Variants in RBFOX1 observed in about 807,000 individuals in gnomAD.
RBFOX1 encodes RNA binding fox-1 homolog 1, also known as RNA binding protein fox-1 homolog 1.
Under a neutral mutation model 57.7 loss-of-function variants are expected in RBFOX1, and 8 were observed. That is an observed-to-expected ratio of 0.14 (90% CI 0.08 to 0.25). RBFOX1 has a LOEUF of 0.25. Ranked by LOEUF, RBFOX1 falls within the 10% of genes least tolerant of loss-of-function variation. The pLI is 1.00. For synonymous variants in RBFOX1, 326 were observed against 222.4 expected, an observed-to-expected ratio of 1.47 and a Z score of -4.15; for missense variants, 611 against 548.5, an observed-to-expected ratio of 1.11 and a Z score of -1.14.
chr16:6,708,197 C>A (rs926837837), intron 3 of RBFOX1, among the ~76,000 whole-genome samples: 4 of 151,988 alleles, frequency 2.6e-5, no homozygotes, highest in Admixed American at 6.6e-5. Flanking sequence ...TAAGCCCCCT[C>A]CTTTGTTGTT....
intron 3 of RBFOX1, among the ~76,000 whole-genome samples, chr16:5,637,891 G>C (rs984813302): frequency 6.6e-5 from 10 of 152,206 alleles, no homozygotes; most frequent in Admixed American, 5.9e-4. Context: ...CTCCCTGGAG[G>C]AAATGACCCT....
chr16:6,197,052 C>T (rs1205846144), intron 1 of RBFOX1, among the ~76,000 whole-genome samples: 2 of 152,072 alleles, frequency 1.3e-5, no homozygotes, highest in Non-Finnish European at 2.9e-5. Context: ...TATGTTAAAT[C>T]CATTAGTTAA....
chr16:7,625,149 G>C (rs2059895310), intron 10 of RBFOX1, among the ~76,000 whole-genome samples: 1 of 152,030 alleles, frequency 6.6e-6, no homozygotes, highest in South Asian at 2.1e-4. Flanking sequence ...TCCCACCTTA[G>C]TCCTTTAATG....
intron 4 of RBFOX1, among the ~76,000 whole-genome samples, chr16:7,183,059 G>A (rs1469357561): frequency 6.6e-6 from 1 of 152,148 alleles, no homozygotes; most frequent in African/African-American, 2.4e-5. Flanking sequence ...TTAAACACAT[G>A]TATAAGTAAG....
chr16:5,383,441 G>T (rs1047945557), intron 1 of RBFOX1, among the ~76,000 whole-genome samples: 1 of 152,222 alleles, frequency 6.6e-6, no homozygotes, highest in Admixed American at 6.5e-5. Context: ...ATTTGGGTCT[G>T]TTAGGCCTGG....
chr16:6,146,942 T>C (rs1353080247), intron 1 of RBFOX1, among the ~76,000 whole-genome samples: 2 of 152,132 alleles, frequency 1.3e-5, no homozygotes, highest in Non-Finnish European at 2.9e-5. Flanking sequence ...TTCATGTTTA[T>C]CTCGCCACAA....
chr16:7,292,606 G>T (rs746539991), intron 4 of RBFOX1, among the ~76,000 whole-genome samples: 5 of 150,750 alleles, frequency 3.3e-5, no homozygotes, highest in Non-Finnish European at 7.4e-5. Flanking sequence ...GGGTATAGGA[G>T]GTAAGAGACC....
chr16:7,551,643 G>C (rs979225800), intron 5 of RBFOX1, among the ~76,000 whole-genome samples: 3 of 152,196 alleles, frequency 2.0e-5, no homozygotes, highest in Non-Finnish European at 2.9e-5. Context: ...CTGTGACCTG[G>C]AGGAGCAGGT....
intron 3 of RBFOX1, among the ~76,000 whole-genome samples, chr16:5,657,418 G>T (rs1356754211): frequency 6.6e-6 from 1 of 152,172 alleles, no homozygotes; most frequent in Admixed American, 6.5e-5. Flanking sequence ...TGGGACTGGA[G>T]TGAATAAAGT....
chr16:6,582,197 A>G (rs1312961222), intron 2 of RBFOX1, among the ~76,000 whole-genome samples: 1 of 152,232 alleles, frequency 6.6e-6, no homozygotes, highest in Non-Finnish European at 1.5e-5. Flanking sequence ...AAAAATTTCC[A>G]AAGAATTTTT....
chr16:6,149,877 T>TACAAC (rs2096785552), intron 1 of RBFOX1, among the ~76,000 whole-genome samples: 2 of 152,214 alleles, frequency 1.3e-5, no homozygotes, highest in South Asian at 4.1e-4. Context: ...CAACTCTAAA[T>TACAAC]TGCTATACAA....
intron 2 of RBFOX1, among the ~76,000 whole-genome samples, chr16:5,553,140 C>T (rs962948837): frequency 1.3e-5 from 2 of 151,956 alleles, no homozygotes; most frequent in African/African-American, 2.4e-5. Flanking sequence ...CGAGGGGTGA[C>T]GGGCTGGGGG....
At chr16:5,265,946 G>T (rs570093962) in intron 1 of RBFOX1, among the ~76,000 whole-genome samples, 19 of 151,904 alleles carry the variant, frequency 1.3e-4, no homozygotes, top group African/African-American at 4.1e-4. Flanking sequence ...GGGATCTCCG[G>T]GTCTTGAGCC....
intron 5 of RBFOX1, among the ~76,000 whole-genome samples, chr16:7,577,231 G>A (rs891816901): frequency 6.6e-6 from 1 of 152,196 alleles, no homozygotes; most frequent in Non-Finnish European, 1.5e-5. Context: ...CACTCCTGCT[G>A]TGACCCTTAG....
chr16:6,214,709 A>G (rs1259356187), intron 1 of RBFOX1, among the ~76,000 whole-genome samples: 20 of 65,418 alleles, frequency 3.1e-4, no homozygotes, highest in East Asian at 1.1e-3. Flanking sequence ...GGGAGAGGGA[A>G]AGAGGGAGAA....
chr16:6,394,285 T>C (rs1031920031), intron 2 of RBFOX1, among the ~76,000 whole-genome samples: 5 of 152,206 alleles, frequency 3.3e-5, no homozygotes, highest in Non-Finnish European at 7.3e-5. Flanking sequence ...TCGAGGCATA[T>C]TGTGGAGATT....
intron 3 of RBFOX1, among the ~76,000 whole-genome samples, chr16:5,651,726 A>T (rs2049247604): frequency 6.6e-6 from 1 of 152,002 alleles, no homozygotes; most frequent in Admixed American, 6.5e-5. Flanking sequence ...TGCTTTTTAT[A>T]CTTCCCTGTT....
chr16:6,618,488 T>A (rs1171907955), intron 2 of RBFOX1, among the ~76,000 whole-genome samples: 1 of 152,198 alleles, frequency 6.6e-6, no homozygotes, highest in Non-Finnish European at 1.5e-5. Context: ...TTCCTGATGT[T>A]CATTATACAT....
At chr16:5,913,397 G>A (rs553600037) in intron 4 of RBFOX1, among the ~76,000 whole-genome samples, 7 of 152,274 alleles carry the variant, frequency 4.6e-5, no homozygotes, top group South Asian at 4.2e-4. Context: ...GGGTGATGGG[G>A]GGCAGTTGCC....
Sources: allele counts gnomAD v4.1 joint callset (sites outside exome capture counted in the v4.1 genomes callset), GRCh38; gene constraint gnomAD v4.1.1; transcripts MANE v1.5; gene names NCBI Gene and HGNC (gene_info 2026-07-23, HGNC 2026-07-21).